NXPE4: variants seen among roughly 807,000 people sequenced by gnomAD.
The protein encoded by NXPE4 is neurexophilin and PC-esterase domain family member 4.
In NXPE4, 42 loss-of-function variants were observed where a neutral mutation model predicts 33.3. The observed-to-expected ratio is 1.26, with a 90% CI of 0.98 to 1.63. NXPE4 has a LOEUF of 1.63. NXPE4 is among the 40% of genes most tolerant of loss of function. The pLI is 0.00. For missense variants in NXPE4, 709 were observed against 647.6 expected, an observed-to-expected ratio of 1.09 and a Z score of -1.03; for synonymous variants, 253 against 234.9, an observed-to-expected ratio of 1.08 and a Z score of -0.71.
the NXPE4 span, among the ~76,000 whole-genome samples, chr11:114,657,647 G>C: frequency 6.6e-6 from 1 of 151,724 alleles, no homozygotes; most frequent in Non-Finnish European, 1.5e-5. Context: ...TAATATGATT[G>C]GTTTTCTTTA....
chr11:114,571,850 A>G (rs1450321565), intron 5 of NXPE4, among the ~76,000 whole-genome samples: 1 of 152,216 alleles, frequency 6.6e-6, no homozygotes, highest in African/African-American at 2.4e-5. Flanking sequence ...GAGATGCTGA[A>G]AAACTGTGTC....
In NXPE4 at chr11:114,585,882, G is replaced by C. The variant is rs36052342; in HGVS notation, c.97-2861C>G. Among the ~76,000 whole-genome samples, 1,401 of 152,268 alleles carry C rather than the reference G, an allele frequency of 9.2e-3. 25 individuals carry two copies. Among genetic ancestry groups the C allele is most frequent in the African/African-American group, 0.031 (1,296 of 41,538 alleles). ...TAGAAAAGGGCTACCTGAGGGCCAG[G>C]CATGTTCAACATGGAGGCTCCATCT... On this transcript the variant is annotated intron_variant, in intron 2 of 5. Coordinates refer to ENST00000375478, the MANE Select transcript of NXPE4 (RefSeq NM_001077639.2).
the NXPE4 span, among the ~76,000 whole-genome samples, chr11:114,664,113 G>A: frequency 6.6e-6 from 1 of 152,214 alleles, no homozygotes; most frequent in Non-Finnish European, 1.5e-5. Flanking sequence ...GCCAAAACTG[G>A]AAAATAATTC....
the NXPE4 span, among the ~76,000 whole-genome samples, chr11:114,657,697 T>G: frequency 6.6e-6 from 1 of 152,142 alleles, no homozygotes; most frequent in African/African-American, 2.4e-5. Flanking sequence ...AAAACACTGT[T>G]TTGAGAAATA....
the NXPE4 span, among the ~76,000 whole-genome samples, chr11:114,631,943 C>G: frequency 6.6e-6 from 1 of 150,762 alleles, no homozygotes; most frequent in East Asian, 1.9e-4. Context: ...TAAATATTGC[C>G]TTGTAGGTAA....
chr11:114,572,588 A>T (rs1282235045), intron 5 of NXPE4, among the ~76,000 whole-genome samples: 1 of 152,192 alleles, frequency 6.6e-6, no homozygotes, highest in Non-Finnish European at 1.5e-5. Flanking sequence ...AATTCTCAGC[A>T]ATAGAATTGA....
intron 5 of NXPE4, among the ~76,000 whole-genome samples, chr11:114,574,460 A>C (rs1192806640): frequency 1.3e-5 from 2 of 152,146 alleles, no homozygotes; most frequent in Non-Finnish European, 2.9e-5. Flanking sequence ...ACCATTAGCA[A>C]GATTAACTAA....
the NXPE4 span, among the ~76,000 whole-genome samples, chr11:114,632,699 T>TACATA: frequency 1.4e-5 from 1 of 71,954 alleles, no homozygotes; most frequent in African/African-American, 5.6e-5. Context: ...TTTATATATT[T>TACATA]ATATAATATA....
chr11:114,603,437 TAGGTAAATTCC>T, the NXPE4 span, among the ~76,000 whole-genome samples: 1 of 151,324 alleles, frequency 6.6e-6, no homozygotes, highest in Non-Finnish European at 1.5e-5. Flanking sequence ...CCTCGTCTCC[TAGGTAAATTCC>T]ATTACCTGGT....
the NXPE4 span, among the ~76,000 whole-genome samples, chr11:114,610,033 G>A: frequency 6.1e-5 from 9 of 147,702 alleles, no homozygotes; most frequent in African/African-American, 2.2e-4. Context: ...CTCGTGGGTA[G>A]GCACTTTTCC....
chr11:114,663,637 C>CT, the NXPE4 span, among the ~76,000 whole-genome samples: 19,724 of 138,700 alleles, frequency 0.14, 1,602 homozygotes, highest in South Asian at 0.17. Context: ...ATCTATCTAT[C>CT]ATCTATCCAT....
chr11:114,655,975 A>C, the NXPE4 span, among the ~76,000 whole-genome samples: 1 of 152,210 alleles, frequency 6.6e-6, no homozygotes, highest in African/African-American at 2.4e-5. Flanking sequence ...ATAGGAAGAG[A>C]GGAAGTCAAA....
chr11:114,621,390 C>T, the NXPE4 span, among the ~76,000 whole-genome samples: 6 of 152,190 alleles, frequency 3.9e-5, no homozygotes, highest in African/African-American at 1.4e-4. Flanking sequence ...TCTGTTATCT[C>T]GTGGGTAACC....
chr11:114,623,806 A>T, the NXPE4 span, among the ~76,000 whole-genome samples: 1 of 149,000 alleles, frequency 6.7e-6, no homozygotes, highest in Admixed American at 6.6e-5. Flanking sequence ...GGATAACAAG[A>T]ATTGCCTCGT....
At chr11:114,587,882 G>T (rs1054734898) in intron 2 of NXPE4, among the ~76,000 whole-genome samples, 2 of 152,152 alleles carry the variant, frequency 1.3e-5, no homozygotes, top group African/African-American at 2.4e-5. Context: ...TTGCATAAGG[G>T]TGTGGCCTTC....
At chr11:114,667,203 T>C in the NXPE4 span, among the ~76,000 whole-genome samples, 1 of 152,174 alleles carries the variant, frequency 6.6e-6, no homozygotes, top group Non-Finnish European at 1.5e-5. Context: ...TTTGTTCTTT[T>C]AGAAATGAAG....
At position 114,594,676 on chromosome 11, in the gene NXPE4, C is replaced by G; in HGVS notation, c.84G>C (p.Gln28His). Residue 28 changes from glutamine (Q) to histidine (H), a missense_variant, in exon 2 of 6, where the codon CAG becomes CAC. Transcript: ENST00000375478. Reference protein sequence around the residue: ...LASWIIFTVFQNSTKVWSALN... With the variant: ...LASWIIFTVFHNSTKVWSALN... ...AAGCATTTCCTACCTTTGTGGAGTT[C>G]TGGAAAACTGTAAAAATGATCCAGG... 1 of 1,597,972 alleles carries G rather than the reference C, an allele frequency of 6.3e-7. No individual in the cohort carries two copies.
the NXPE4 span, among the ~76,000 whole-genome samples, chr11:114,652,263 G>A: frequency 1.3e-5 from 2 of 152,300 alleles, no homozygotes; most frequent in South Asian, 4.1e-4. Flanking sequence ...TATGGACATT[G>A]AGCATCTGGA....
the NXPE4 span, among the ~76,000 whole-genome samples, chr11:114,652,168 T>G: frequency 6.6e-6 from 1 of 152,168 alleles, no homozygotes; most frequent in Admixed American, 6.5e-5. Flanking sequence ...GGGTGAGAGA[T>G]AAGCAGGGAG....
Sources: allele counts gnomAD v4.1 joint callset (sites outside exome capture counted in the v4.1 genomes callset), GRCh38; gene constraint gnomAD v4.1.1; transcripts MANE v1.5; gene names NCBI Gene and HGNC (gene_info 2026-07-23, HGNC 2026-07-21).